Variants in DOCK4 observed in about 807,000 individuals in gnomAD.
The protein encoded by DOCK4 is dedicator of cytokinesis protein 4.
A neutral mutation model predicts 268.1 loss-of-function variants in DOCK4; 97 were observed. The ratio of observed to expected loss-of-function variants is 0.36; its 90% CI spans 0.31 to 0.43. DOCK4 has a LOEUF of 0.43. Among genes scored for constraint, DOCK4 ranks in the 20% least tolerant of loss-of-function variants. The pLI, the probability that DOCK4 is intolerant of heterozygous loss-of-function variation, is 1.00. For synonymous variants in DOCK4, 954 were observed against 887.2 expected, an observed-to-expected ratio of 1.08 and a Z score of -1.34; for missense variants, 2,145 against 2,455.7, an observed-to-expected ratio of 0.87 and a Z score of 2.67.
intron 1 of DOCK4, among the ~76,000 whole-genome samples, chr7:112,202,000 T>C (rs758190355): frequency 6.6e-6 from 1 of 152,212 alleles, no homozygotes; most frequent in Non-Finnish European, 1.5e-5. Context: ...CCCTCCACAT[T>C]ACTGAAAATG....
chr7:111,934,774 C>T (rs1318874851), intron 12 of DOCK4, among the ~76,000 whole-genome samples: 4 of 150,168 alleles, frequency 2.7e-5, no homozygotes, highest in African/African-American at 4.9e-5. Context: ...CTCCTGACCT[C>T]GTGATCCGCC....
chr7:111,982,897 G>A (rs1280865992), intron 7 of DOCK4, among the ~76,000 whole-genome samples: 2 of 152,170 alleles, frequency 1.3e-5, no homozygotes, highest in African/African-American at 2.4e-5. Flanking sequence ...CCACATCAGA[G>A]GATATGACAG....
chr7:112,188,366 A>G (rs1390275678), intron 1 of DOCK4, among the ~76,000 whole-genome samples: 1 of 152,202 alleles, frequency 6.6e-6, no homozygotes, highest in African/African-American at 2.4e-5. Flanking sequence ...ACCTCATCAA[A>G]CTATCCTTTC....
intron 1 of DOCK4, among the ~76,000 whole-genome samples, chr7:112,076,422 G>C (rs1808073794): frequency 6.6e-6 from 1 of 152,102 alleles, no homozygotes; most frequent in South Asian, 2.1e-4. Context: ...ATATTAAATG[G>C]ATTATTTTAA....
intron 35 of DOCK4, among the ~76,000 whole-genome samples, chr7:111,780,175 G>A (rs1237471956): frequency 2.6e-5 from 4 of 151,936 alleles, no homozygotes; most frequent in African/African-American, 7.3e-5. Flanking sequence ...TGTACTTTCC[G>A]CCCATTACCT....
At position 111,742,224 on chromosome 7, in the gene DOCK4, C is replaced by T. The variant is rs1447375662; in HGVS notation, c.4678-92G>A. On this transcript the variant is annotated intron_variant, in intron 44 of 52. Coordinates refer to ENST00000428084, the MANE Select transcript of DOCK4 (RefSeq NM_001363540.2). ...GCCGAGCACTTTACTACGCATTTCG[C>T]TTGCATTATTGCTAATCCTCTGCCT... 3 of 1,302,756 alleles carry T rather than the reference C, an allele frequency of 2.3e-6. No homozygotes were observed. In the African/African-American group the frequency reaches 4.5e-5, roughly 20 times the overall value. 80.7% of individuals were successfully genotyped at this position (1,302,756 alleles called of 1,614,324 possible). A position where few individuals can be genotyped will look rare whatever the true frequency, so the allele number is the denominator to read the frequency against.
At chr7:111,847,214 TG>T (rs1325390766) in intron 23 of DOCK4, 88 bp from the exon 24 acceptor site, 8 of 1,523,800 alleles carry the variant, frequency 5.3e-6, no homozygotes, top group Non-Finnish European at 7.1e-6. Flanking sequence ...AATTCAATTT[TG>T]GTTGCTAAAT....
At chr7:111,846,470 G>A (rs764493989) in intron 24 of DOCK4, among the ~76,000 whole-genome samples, 11 of 151,494 alleles carry the variant, frequency 7.3e-5, no homozygotes, top group African/African-American at 1.2e-4. Context: ...AGTCAGGCAC[G>A]TTGATAGGAA....
rs1817146580 is a variant in DOCK4 at position 112,161,724 on chromosome 7, TAC to T, written c.37+44376_37+44377del. On this transcript the variant is annotated intron_variant, in intron 1 of 52. Coordinates refer to ENST00000428084, the MANE Select transcript of DOCK4 (RefSeq NM_001363540.2). Reference sequence around the variant, plus strand: ...CTCCTGGGGATGACTTGAGCTCTGGTACAGTCTCTCTGGAACACTTAAATAAT... The same window carrying T: ...CTCCTGGGGATGACTTGAGCTCTGGTAGTCTCTCTGGAACACTTAAATAAT... 3.3e-5 allele frequency among the ~76,000 whole-genome samples: 5 copies of T among 152,362 alleles called. No individual in the cohort carries two copies. The South Asian group carries it at 1.0e-3, about 32-fold the overall frequency.
At chr7:111,962,761 G>C (rs879546473) in intron 8 of DOCK4, among the ~76,000 whole-genome samples, 1 of 152,168 alleles carries the variant, frequency 6.6e-6, no homozygotes, top group African/African-American at 2.4e-5. Context: ...TGGAAATGAA[G>C]TATTTCAAGA....
At chr7:112,192,220 A>G (rs892518451) in intron 1 of DOCK4, among the ~76,000 whole-genome samples, 1 of 151,894 alleles carries the variant, frequency 6.6e-6, no homozygotes, top group African/African-American at 2.4e-5. Context: ...AAAAAAGATA[A>G]ACCATTTTCC....
At chr7:111,981,253 C>A (rs1798587835) in intron 7 of DOCK4, among the ~76,000 whole-genome samples, 1 of 152,158 alleles carries the variant, frequency 6.6e-6, no homozygotes, top group Non-Finnish European at 1.5e-5. Flanking sequence ...TGCCAAACAA[C>A]AACAAGGGAT....
intron 23 of DOCK4, among the ~76,000 whole-genome samples, chr7:111,847,834 A>T (rs1804236525): frequency 6.6e-6 from 1 of 152,202 alleles, no homozygotes; most frequent in Admixed American, 6.5e-5. Flanking sequence ...TATCAGCAGC[A>T]CGAAAATGGA....
At chr7:111,894,318 C>G (rs1012921201) in intron 16 of DOCK4, among the ~76,000 whole-genome samples, 1 of 152,120 alleles carries the variant, frequency 6.6e-6, no homozygotes, top group African/African-American at 2.4e-5. Context: ...TGCTTGTAAT[C>G]TCTTATTCAT....
chr7:112,146,345 T>C (rs1417566941), intron 1 of DOCK4, among the ~76,000 whole-genome samples: 1 of 152,196 alleles, frequency 6.6e-6, no homozygotes, highest in Admixed American at 6.5e-5. Context: ...CAAAACTTGA[T>C]CCCCTCCTTC....
intron 1 of DOCK4, among the ~76,000 whole-genome samples, chr7:112,203,818 A>T (rs1821150939): frequency 8.4e-6 from 1 of 119,478 alleles, no homozygotes; most frequent in Non-Finnish European, 1.7e-5. Context: ...TCCTAGCAAA[A>T]ATTTCACTAC....
At chr7:111,925,764 T>C (rs1009181205) in intron 12 of DOCK4, among the ~76,000 whole-genome samples, 15 of 152,150 alleles carry the variant, frequency 9.9e-5, no homozygotes, top group Non-Finnish European at 1.3e-4. Flanking sequence ...CTTTTAGATA[T>C]ACTTTCAAAA....
Position 112,183,816 on chromosome 7 carries a change from C to T in DOCK4, c.37+22286G>A, listed in dbSNP as rs537126622. Among the ~76,000 whole-genome samples, 6 of 152,320 alleles carry T rather than the reference C, an allele frequency of 3.9e-5. No homozygotes were observed. In the East Asian group the frequency reaches 9.6e-4, roughly 24 times the overall value. On this transcript the variant is annotated intron_variant, in intron 1 of 52. Coordinates refer to ENST00000428084, the MANE Select transcript of DOCK4 (RefSeq NM_001363540.2). ...AACATTTATGGGAGTAATCCATGTGCGGTTTCCCAGCCACTCCTGCAAGCC... is the reference window on the plus strand; with the variant it reads ...AACATTTATGGGAGTAATCCATGTGTGGTTTCCCAGCCACTCCTGCAAGCC...
At chr7:111,813,129 T>C (rs1458170856) in intron 27 of DOCK4, among the ~76,000 whole-genome samples, 1 of 152,204 alleles carries the variant, frequency 6.6e-6, no homozygotes, top group Non-Finnish European at 1.5e-5. Flanking sequence ...TGAGGATCAA[T>C]ATATAAATTG....
Sources: allele counts gnomAD v4.1 joint callset (sites outside exome capture counted in the v4.1 genomes callset), GRCh38; gene constraint gnomAD v4.1.1; transcripts MANE v1.5; gene names NCBI Gene and HGNC (gene_info 2026-07-23, HGNC 2026-07-21).